Variants in ALG8 observed in about 807,000 individuals in gnomAD.
ALG8 encodes ALG8 alpha-1,3-glucosyltransferase, also known as dolichyl pyrophosphate Glc1Man9GlcNAc2 alpha-1,3-glucosyltransferase.
A neutral mutation model predicts 70.2 loss-of-function variants in ALG8; 48 were observed. The observed-to-expected ratio is 0.68, with a 90% CI of 0.54 to 0.87. The LOEUF (loss-of-function observed/expected upper bound fraction) is 0.87. ALG8 is among the 40% of genes least tolerant of loss of function. The pLI is 0.00. For synonymous variants in ALG8, 234 were observed against 229.0 expected (o/e 1.02, Z -0.20); for missense variants, 572 against 608.7 (o/e 0.94, Z 0.64).
chr11:78,132,090 GT>G (rs1353136028), intron 1 of ALG8, among the ~76,000 whole-genome samples: 17 of 152,208 alleles, frequency 1.1e-4, no homozygotes, highest in Admixed American at 8.5e-4. Flanking sequence ...GCAACACTCT[GT>G]GTGAGGTAGG....
chr11:78,110,699 ACAGT>A (rs900623445), intron 8 of ALG8, among the ~76,000 whole-genome samples: 2 of 152,238 alleles, frequency 1.3e-5, no homozygotes, highest in African/African-American at 4.8e-5. Flanking sequence ...GGCTAATAGG[ACAGT>A]CAGAGACAGT....
rs760565291 is a variant in ALG8, at chr11:78,139,535, C to A, written c.54G>T (p.Ala18=). ...GGCATTTGAGAAGAGTCACCCCGAG[C>A]GCCAAAGCCGAAAACCAATTGCCAG... ...TGTGNWFSAL[A]LGVTLLKCLL... is the part of the protein sequence containing the mutation. The change falls in exon 1 of 13, where the codon GCG becomes GCT. Residue 18 remains alanine (A), a synonymous_variant. Transcript: ENST00000299626. 140 of 1,564,252 alleles carry A rather than the reference C, an allele frequency of 8.9e-5. 2 individuals are homozygous for A. Among genetic ancestry groups the A allele is most frequent in the South Asian group, 8.8e-4 (75 of 84,956 alleles).
chr11:78,125,195 G>A lies in ALG8; in HGVS notation c.175-981C>T, dbSNP rs112210289. 2.2e-3 allele frequency among the ~76,000 whole-genome samples: 335 copies of A among 151,824 alleles called. 2 individuals carry two copies. Among genetic ancestry groups the A allele is most frequent in the African/African-American group, 7.0e-3 (289 of 41,416 alleles). ...CTACAGGAGCCCGCCACCACACCCG[G>A]CTAATTTTTTGTATTTTTAGTAGAG... is the stretch of plus-strand genomic sequence containing the variant. On this transcript the variant is annotated intron_variant, in intron 2 of 12. Transcript: ENST00000299626.
At position 78,108,820 on chromosome 11, in the gene ALG8, A is replaced by G. The variant is rs1027171404; in HGVS notation, c.1038+622T>C. On this transcript the variant is annotated intron_variant, in intron 9 of 12. Coordinates refer to ENST00000299626, the MANE Select transcript of ALG8 (RefSeq NM_024079.5). ...TGAAACATTCAGAAACCAAAATTAAAGATGAGTGTAATTATCGATAGGATT... is the reference window on the plus strand; with the variant it reads ...TGAAACATTCAGAAACCAAAATTAAGGATGAGTGTAATTATCGATAGGATT... Among the ~76,000 whole-genome samples the G allele has an allele frequency of 3.5e-4, 53 of 152,260 alleles. 2 individuals are homozygous for G.
chr11:78,135,691 T>C (rs1315599007), intron 1 of ALG8, among the ~76,000 whole-genome samples: 1 of 151,480 alleles, frequency 6.6e-6, no homozygotes, highest in Non-Finnish European at 1.5e-5. Context: ...CTACTAAAAA[T>C]ATAAAAATTA....
intron 9 of ALG8, chr11:78,107,912 T>C (rs1041046390): frequency 1.3e-5 from 2 of 151,044 alleles, no homozygotes; most frequent in Non-Finnish European, 2.9e-5. Flanking sequence ...TTTGGGAGGC[T>C]GATGCAAGTC....
intron 8 of ALG8, chr11:78,112,382 T>C (rs1860328560): frequency 2.5e-6 from 1 of 401,668 alleles, no homozygotes; most frequent in Non-Finnish European, 4.7e-6. Flanking sequence ...AAATTACCTT[T>C]ATAGAGTGTC....
intron 5 of ALG8, among the ~76,000 whole-genome samples, chr11:78,115,624 AT>A (rs1312849155): frequency 6.6e-6 from 1 of 152,096 alleles, no homozygotes. Context: ...GCCTCAACTG[AT>A]CCACCTGTCT....
At chr11:78,138,752 G>A (rs1489930095) in intron 1 of ALG8, 3 of 456,150 alleles carry the variant, frequency 6.6e-6, no homozygotes, top group South Asian at 1.5e-5. Flanking sequence ...TGGTTTCCAC[G>A]CTTTCAGTCT....
chr11:78,135,864 G>A (rs80110946), intron 1 of ALG8, among the ~76,000 whole-genome samples: 21 of 140,816 alleles, frequency 1.5e-4, no homozygotes, highest in African/African-American at 1.3e-4. Flanking sequence ...AAATAAATAA[G>A]AAAAAAAAAA....
Position 78,127,611 on chromosome 11 carries a change from A to G in ALG8, c.96-175T>C, listed in dbSNP as rs149334693. Among the ~76,000 whole-genome samples the G allele has an allele frequency of 1.2e-4, 19 of 152,286 alleles. No homozygotes were observed. In the East Asian group the frequency reaches 3.5e-3, roughly 28 times the overall value. On this transcript the variant is annotated intron_variant, in intron 1 of 12. Transcript: ENST00000299626. ...GTAAAACCTCATTTATCTGGAGGTC[A>G]GATCTTCTAGAAAGTTGTTGAGCAA...
At chr11:78,115,439 A>G (rs1025684187) in intron 5 of ALG8, among the ~76,000 whole-genome samples, 1 of 145,402 alleles carries the variant, frequency 6.9e-6, no homozygotes, top group Non-Finnish European at 1.5e-5. Flanking sequence ...GCTGGAGTGC[A>G]ATGGCACGGT....
chr11:78,139,439 C>A, intron 1 of ALG8, 55 bp downstream of exon 1: 1 of 1,530,438 alleles, frequency 6.5e-7, no homozygotes, highest in Non-Finnish European at 8.9e-7. Flanking sequence ...TTCTCTCCCG[C>A]CCTGACCGAC....
intron 7 of ALG8, among the ~76,000 whole-genome samples, chr11:78,112,997 C>T (rs943679818): frequency 1.3e-5 from 2 of 152,106 alleles, no homozygotes; most frequent in African/African-American, 4.8e-5. Flanking sequence ...CTCTGAATAC[C>T]CGTCCATACT....
chr11:78,118,720 G>C (rs143396622), intron 5 of ALG8, among the ~76,000 whole-genome samples: 2,025 of 151,978 alleles, frequency 0.013, 52 homozygotes, highest in African/African-American at 0.045. Flanking sequence ...GAGGCAGGAG[G>C]ATCACTTGAG....
At chr11:78,138,135 C>T in intron 1 of ALG8, among the ~76,000 whole-genome samples, 1 of 152,080 alleles carries the variant, frequency 6.6e-6, no homozygotes, top group Admixed American at 6.6e-5. Flanking sequence ...CACTTGAGGT[C>T]AGGAGATTTG....
In ALG8 at chr11:78,101,185, G is replaced by A. The variant is rs768378311; in HGVS notation, c.1360C>T (p.Pro454Ser). 1.9e-6 allele frequency: 3 copies of A among 1,613,772 alleles called. No homozygotes were observed. The highest frequency in any genetic ancestry group is 2.5e-6 in the Non-Finnish European group (3 of 1,179,788). The change falls in exon 13 of 13, where the codon CCT becomes TCT. Residue 454 changes from proline to serine, a missense_variant. Coordinates refer to ENST00000299626, the MANE Select transcript of ALG8 (RefSeq NM_024079.5). ...SLKTLFRKEKPLFNWMETFYL... is the reference protein window; with the variant it reads ...SLKTLFRKEKSLFNWMETFYL... ...AAAGTTTCCATCCAATTAAAAAGAG[G>A]TTTTTCTTTTCTGAAGGAAAAAAGA...
At position 78,114,330 on chromosome 11, in the gene ALG8, G is replaced by A; in HGVS notation, c.609C>T (p.Leu203=). 1.9e-6 allele frequency: 3 copies of A among 1,614,080 alleles called. No homozygotes were observed. Among genetic ancestry groups the A allele is most frequent in the Non-Finnish European group, 2.5e-6 (3 of 1,179,958 alleles). ...AVLLHFKHIY[L]YVAPAYGVYL... ...ATACACCATAAGCTGGTGCTACATA[G>A]AGGTAGATATGCTTGAAATGTAGGA... Residue 203 remains leucine (L), a synonymous_variant, in exon 6 of 13, where the codon CTC becomes CTT. Coordinates refer to ENST00000299626, the MANE Select transcript of ALG8 (RefSeq NM_024079.5).
At chr11:78,132,617 G>A (rs535472641) in intron 1 of ALG8, among the ~76,000 whole-genome samples, 1 of 152,124 alleles carries the variant, frequency 6.6e-6, no homozygotes, top group East Asian at 1.9e-4. Flanking sequence ...GCCCAAATAG[G>A]TCAATACTTT....
Sources: gnomAD v4.1 joint callset for allele counts (sites outside exome capture counted in the v4.1 genomes callset) on GRCh38, gnomAD v4.1.1 for gene constraint, MANE v1.5 for transcripts, NCBI Gene and HGNC (gene_info 2026-07-23, HGNC 2026-07-21) for gene names.